ANKDD1B: variants seen among roughly 807,000 people sequenced by gnomAD.
ANKDD1B encodes ankyrin repeat and death domain containing 1B.
ANKDD1B carries 57 observed loss-of-function variants against 59.7 expected under a neutral mutation model. The observed-to-expected ratio is 0.95, with a 90% confidence interval of 0.77 to 1.19. The LOEUF is 1.19. Ranked by LOEUF, ANKDD1B falls within the 50% of genes most tolerant of loss-of-function variation. The pLI, the probability that ANKDD1B is intolerant of heterozygous loss-of-function variation, is 0.00. For missense variants in ANKDD1B, 602 were observed against 641.9 expected, an observed-to-expected ratio of 0.94 and a Z score of 0.67; for synonymous variants, 216 against 239.5, an observed-to-expected ratio of 0.90 and a Z score of 0.91.
intron 7 of ANKDD1B, among the ~76,000 whole-genome samples, chr5:75,647,995 C>G (rs1450541625): frequency 8.4e-6 from 1 of 118,852 alleles, no homozygotes; most frequent in African/African-American, 5.0e-5. Context: ...AGTAAACTAT[C>G]ACAAGAACAA....
In ANKDD1B at chr5:75,622,131, A is replaced by C. The variant is rs1168815546; in HGVS notation, c.396+1718A>C. ...CTAAGTTCTAACACCATTTGCAAAG[A>C]GCCAACAGTTGATCCCCTTCACCAT... is the stretch of plus-strand genomic sequence containing the variant. On this transcript the variant is annotated intron_variant, in intron 3 of 13. Coordinates refer to ENST00000601380, the MANE Select transcript of ANKDD1B (RefSeq NM_001276713.2). Among the ~76,000 whole-genome samples the C allele has an allele frequency of 3.3e-5, 5 of 152,316 alleles. No individual in the cohort carries two copies. In the East Asian group the frequency reaches 7.7e-4, roughly 24 times the overall value.
intron 8 of ANKDD1B, among the ~76,000 whole-genome samples, chr5:75,653,890 C>T (rs1774893423): frequency 2.0e-5 from 3 of 152,332 alleles, no homozygotes; most frequent in African/African-American, 7.2e-5. Context: ...GGGGAATTGA[C>T]TCTGAACTTA....
At chr5:75,630,743 A>G (rs1432779851) in intron 5 of ANKDD1B, among the ~76,000 whole-genome samples, 1 of 152,244 alleles carries the variant, frequency 6.6e-6, no homozygotes, top group Non-Finnish European at 1.5e-5. Context: ...TTAACTTCGA[A>G]CTAAAGAGTT....
intron 7 of ANKDD1B, among the ~76,000 whole-genome samples, chr5:75,636,815 C>T (rs1373456280): frequency 6.6e-6 from 1 of 151,998 alleles, no homozygotes; most frequent in Non-Finnish European, 1.5e-5. Context: ...ACTTTCTGCC[C>T]CCAGCTGTCT....
At chr5:75,627,843 A>G (rs775644696) in intron 5 of ANKDD1B, among the ~76,000 whole-genome samples, 2 of 152,138 alleles carry the variant, frequency 1.3e-5, no homozygotes, top group African/African-American at 2.4e-5. Context: ...AGCCTTCCCC[A>G]CTTCTTGAGT....
chr5:75,624,810 A>C (rs147459528), intron 3 of ANKDD1B, among the ~76,000 whole-genome samples: 3 of 152,194 alleles, frequency 2.0e-5, no homozygotes, highest in Non-Finnish European at 4.4e-5. Flanking sequence ...ATATATACAT[A>C]TACATGTATG....
intron 1 of ANKDD1B, among the ~76,000 whole-genome samples, chr5:75,615,720 A>G (rs1381567845): frequency 6.6e-6 from 1 of 151,190 alleles, no homozygotes; most frequent in Non-Finnish European, 1.5e-5. Context: ...CTCTCTTCTT[A>G]TAGGGACACC....
At chr5:75,617,165 G>T (rs1196501396) in intron 2 of ANKDD1B, among the ~76,000 whole-genome samples, 1 of 152,144 alleles carries the variant, frequency 6.6e-6, no homozygotes, top group South Asian at 2.1e-4. Context: ...CTGTGGGTGG[G>T]CAGTAAAGCC....
intron 1 of ANKDD1B, among the ~76,000 whole-genome samples, chr5:75,615,680 G>A (rs970445515): frequency 2.3e-4 from 35 of 151,442 alleles, no homozygotes; most frequent in African/African-American, 8.5e-4. Context: ...GTGTGTGTGT[G>A]TGTGTGTGTG....
At chr5:75,645,761 A>C (rs253401) in intron 7 of ANKDD1B, among the ~76,000 whole-genome samples, 181 of 14,750 alleles carry the variant, frequency 0.012, no homozygotes, top group East Asian at 0.023. Context: ...AGGCCAGCAT[A>C]ATTCTGATAC....
intron 9 of ANKDD1B, among the ~76,000 whole-genome samples, chr5:75,658,970 C>T (rs992450747): frequency 6.6e-6 from 1 of 152,148 alleles, no homozygotes; most frequent in Non-Finnish European, 1.5e-5. Flanking sequence ...TGGGAACCAC[C>T]ATTCTACTTT....
At chr5:75,649,393 ACAAT>A (rs896652921) in intron 7 of ANKDD1B, among the ~76,000 whole-genome samples, 6 of 152,296 alleles carry the variant, frequency 3.9e-5, no homozygotes, top group East Asian at 1.9e-4. Context: ...ATTACATTTA[ACAAT>A]CAATGAAGTA....
chr5:75,614,075 T>C (rs1026104560), intron 1 of ANKDD1B, among the ~76,000 whole-genome samples: 2 of 152,142 alleles, frequency 1.3e-5, no homozygotes, highest in African/African-American at 4.8e-5. Context: ...CATAAAGGGG[T>C]TGAGATTTTA....
At position 75,670,974 on chromosome 5, in the gene ANKDD1B, TC is replaced by T; in HGVS notation, c.1526-3del. 8.2e-7 allele frequency: 1 copy of T among 1,217,490 alleles called. No individual in the cohort carries two copies. Among genetic ancestry groups the T allele is most frequent in the Non-Finnish European group, 1.0e-6 (1 of 974,706 alleles). The allele number at this position is 1,217,490 out of a possible 1,614,324, so 75.4% of individuals were successfully genotyped here. The stretch of plus-strand genomic sequence containing the variant: ...TATTCATAAATGTTATCTTATTTTT[TC>T]CAGAAAAGACTCGTCATTTCAAAAG... On this transcript the variant is annotated splice_region_variant and splice_polypyrimidine_tract_variant and intron_variant, in intron 13 of 13. Transcript: ENST00000601380.
chr5:75,633,162 A>AC (rs1176475165), intron 5 of ANKDD1B, among the ~76,000 whole-genome samples: 1 of 152,202 alleles, frequency 6.6e-6, no homozygotes, highest in Non-Finnish European at 1.5e-5. Flanking sequence ...AAAGCAGAAA[A>AC]CTGTGGTTCC....
chr5:75,653,268 T>C, intron 8 of ANKDD1B, 28 bp downstream of exon 8: 1 of 1,504,196 alleles, frequency 6.6e-7, no homozygotes, highest in South Asian at 1.2e-5. Context: ...ACACGGGCTT[T>C]GGTCCTGGCG....
At chr5:75,654,494 A>C (rs749891738) in intron 8 of ANKDD1B, among the ~76,000 whole-genome samples, 7 of 152,214 alleles carry the variant, frequency 4.6e-5, no homozygotes, top group Non-Finnish European at 8.8e-5. Context: ...CAGCCTGGGC[A>C]ACATGGCAAG....
intron 10 of ANKDD1B, among the ~76,000 whole-genome samples, chr5:75,661,650 A>G (rs1053477646): frequency 1.5e-4 from 23 of 152,088 alleles, no homozygotes; most frequent in African/African-American, 5.6e-4. Context: ...TGGGTACGAA[A>G]TCTATAGCAT....
chr5:75,654,944 C>T (rs577246349), intron 8 of ANKDD1B, among the ~76,000 whole-genome samples: 43 of 152,286 alleles, frequency 2.8e-4, no homozygotes, highest in African/African-American at 8.4e-4. Context: ...CCTGGTGCCC[C>T]GCCTCCCTCC....
Sources: gnomAD v4.1 joint callset for allele counts (sites outside exome capture counted in the v4.1 genomes callset) on GRCh38, gnomAD v4.1.1 for gene constraint, MANE v1.5 for transcripts, NCBI Gene and HGNC (gene_info 2026-07-23, HGNC 2026-07-21) for gene names.